DIP2A: variants seen among roughly 807,000 people sequenced by gnomAD.
The protein encoded by DIP2A is DIP2 acetate--CoA ligase A.
Under a neutral mutation model 177.4 loss-of-function variants are expected in DIP2A, and 85 were observed. The observed-to-expected ratio is 0.48, with a 90% CI of 0.40 to 0.57. The LOEUF is 0.57. Ranked by LOEUF, DIP2A falls within the 20% of genes least tolerant of loss-of-function variation. The probability of loss-of-function intolerance (pLI) is 0.00; values close to 1 mark genes in which losing one functional copy is unlikely to be tolerated. For missense variants in DIP2A, 1,791 were observed against 2,100.2 expected, an observed-to-expected ratio of 0.85 and a Z score of 2.88; for synonymous variants, 886 against 881.8, an observed-to-expected ratio of 1.00 and a Z score of -0.08.
rs1294401822 is a variant in DIP2A at position 46,534,705 on chromosome 21, T to G, written c.1642+18T>G. 6.3e-7 allele frequency: 1 copy of G among 1,595,700 alleles called. No homozygotes were observed. Among genetic ancestry groups the G allele is most frequent in the Non-Finnish European group, 8.5e-7 (1 of 1,174,400 alleles). On this transcript the variant is annotated intron_variant, in intron 13 of 37. Transcript: ENST00000417564. ...CTCAGAAGGTAAGGGCTCTCGGGGG[T>G]GGGGCGGTGGCCCCTCCAGCCTCAC...
chr21:46,485,842 G>A (rs776091612), intron 2 of DIP2A, among the ~76,000 whole-genome samples: 8 of 152,022 alleles, frequency 5.3e-5, no homozygotes, highest in Non-Finnish European at 1.2e-4. Flanking sequence ...GGAGGCTGAG[G>A]TGGGGGGATC....
intron 8 of DIP2A, among the ~76,000 whole-genome samples, chr21:46,516,958 TACAC>T (rs2058609918): frequency 1.3e-5 from 2 of 151,940 alleles, no homozygotes; most frequent in South Asian, 4.2e-4. Flanking sequence ...CTGCCTTGAA[TACAC>T]ACATTAATTA....
At chr21:46,519,937 C>T (rs1439812642) in intron 8 of DIP2A, among the ~76,000 whole-genome samples, 13 of 128,772 alleles carry the variant, frequency 1.0e-4, no homozygotes, top group Non-Finnish European at 1.2e-4. Flanking sequence ...TGCAGTGGTG[C>T]GATCTCGGCT....
chr21:46,511,832 G>A lies in DIP2A; in HGVS notation c.1102+218G>A, dbSNP rs189334610. On this transcript the variant is annotated intron_variant, in intron 8 of 37. Coordinates refer to ENST00000417564, the MANE Select transcript of DIP2A (RefSeq NM_015151.4). The stretch of plus-strand genomic sequence containing the variant: ...TGCTCTGGGTTCAAGTGTTTGGAGC[G>A]TTCTATGTATGCATTCTGAACAGTG... Among the ~76,000 whole-genome samples the A allele has an allele frequency of 4.6e-5, 7 of 152,200 alleles. No individual in the cohort carries two copies. The East Asian group carries it at 5.8e-4, about 13-fold the overall frequency.
At chr21:46,475,481 G>T (rs2055763434) in intron 1 of DIP2A, among the ~76,000 whole-genome samples, 1 of 152,192 alleles carries the variant, frequency 6.6e-6, no homozygotes, top group African/African-American at 2.4e-5. Flanking sequence ...AAATATGGCA[G>T]ACATTCATAT....
chr21:46,550,924 A>C (rs2060249760), intron 23 of DIP2A, among the ~76,000 whole-genome samples, 180 bp downstream of exon 23: 1 of 152,228 alleles, frequency 6.6e-6, no homozygotes, highest in Non-Finnish European at 1.5e-5. Flanking sequence ...TCCTGGAACC[A>C]GCCACGCATG....
Position 46,545,923 on chromosome 21 carries a change from C to G in DIP2A, c.2356C>G (p.Pro786Ala), listed in dbSNP as rs1210386979. 9.9e-6 allele frequency: 16 copies of G among 1,613,894 alleles called. No homozygotes were observed. Among genetic ancestry groups the G allele is most frequent in the African/African-American group, 4.0e-5 (3 of 74,942 alleles). Residue 786 changes from proline (P) to alanine (A), a missense_variant, in exon 20 of 38, where the codon CCA becomes GCA. Transcript: ENST00000417564. ...AGGAGGAGCACCCATCTTTGACAGGCCATTCACCAGGACAGGCCTGCTGGG... is the reference window on the plus strand; with the variant it reads ...AGGAGGAGCACCCATCTTTGACAGGGCATTCACCAGGACAGGCCTGCTGGG... ...TTGGAPIFDR[P>A]FTRTGLLGFI...
intron 15 of DIP2A, 139 bp from the exon 16 acceptor site, chr21:46,538,344 A>C (rs1569065156): frequency 7.9e-7 from 1 of 1,265,080 alleles, no homozygotes; most frequent in African/African-American, 1.5e-5. Context: ...GGCTGCAGAG[A>C]GCTTGTGACC....
chr21:46,545,061 C>G lies in DIP2A; in HGVS notation c.2177-76C>G. On this transcript the variant is annotated intron_variant, in intron 18 of 37. Coordinates refer to ENST00000417564, the MANE Select transcript of DIP2A (RefSeq NM_015151.4). ...CATCCTGTTTCCATAACCGCACATA[C>G]AGCAGCAAGGAGATCTTTGTGAGTG... The G allele has an allele frequency of 4.2e-6, 6 of 1,433,476 alleles. No homozygotes were observed. The South Asian group carries it at 7.2e-5, about 17-fold the overall frequency. 88.8% of individuals were successfully genotyped at this position (1,433,476 alleles called of 1,614,324 possible). A position where few individuals can be genotyped will look rare whatever the true frequency, so the allele number is the denominator to read the frequency against.
At position 46,460,515 on chromosome 21, in the gene DIP2A, C is replaced by T. The variant is rs575352904; in HGVS notation, c.91+1293C>T. 3.9e-5 allele frequency among the ~76,000 whole-genome samples: 6 copies of T among 152,242 alleles called. No homozygotes were observed. In the South Asian group the frequency reaches 1.2e-3, roughly 32 times the overall value. On this transcript the variant is annotated intron_variant, in intron 1 of 37. Coordinates refer to ENST00000417564, the MANE Select transcript of DIP2A (RefSeq NM_015151.4). ...TCAGATTGATAAGATTTTGCTGGGT[C>T]TGGGGTAGTTATTTCTCAAAACATC...
intron 21 of DIP2A, among the ~76,000 whole-genome samples, 168 bp from the exon 22 acceptor site, chr21:46,549,600 CGAG>C (rs942699847): frequency 3.5e-4 from 53 of 152,188 alleles, no homozygotes; most frequent in African/African-American, 1.2e-3. Flanking sequence ...CAACCATCCT[CGAG>C]GAGATTAGAA....
In DIP2A at chr21:46,498,625, C is replaced by A. The variant is rs202195576; in HGVS notation, c.447C>A (p.Pro149=). ...ASEDEGSLRR[P]GRLTSTPLQS... ...AAGATGAGGGCTCTTTACGGCGACC[C>A]GGGCGACTCACCTCCACTCCGCTCC... The change falls in exon 5 of 38, where the codon CCC becomes CCA. Residue 149 remains proline (P), a synonymous_variant. Transcript: ENST00000417564. This position sits in a 1 kb window ranked among gnomAD's most constrained non-coding sequence, Gnocchi z 4.3. 6.2e-7 allele frequency: 1 copy of A among 1,612,790 alleles called. No homozygotes were observed. The highest frequency in any genetic ancestry group is 1.3e-5 in the African/African-American group (1 of 74,872).
In DIP2A at chr21:46,557,581, G is replaced by C. The variant is rs368044633; in HGVS notation, c.3630-4G>C. On this transcript the variant is annotated splice_polypyrimidine_tract_variant and splice_region_variant and intron_variant, in intron 30 of 37. Transcript: ENST00000417564. This position sits in a 1 kb window ranked among gnomAD's most constrained non-coding sequence, Gnocchi z 6.0. ...CGGAGCCTCACGAGCCTTCCCTCTC[G>C]CAGTGTCTACTCGGGACACCAATCA... The C allele has an allele frequency of 1.6e-5, 26 of 1,604,838 alleles. No individual in the cohort carries two copies. The East Asian group carries it at 5.2e-4, about 32-fold the overall frequency.
At chr21:46,486,050 G>A (rs1231548159) in intron 2 of DIP2A, among the ~76,000 whole-genome samples, 4 of 133,846 alleles carry the variant, frequency 3.0e-5, no homozygotes, top group Admixed American at 8.6e-5. Flanking sequence ...CAGCCTGGGC[G>A]ACAGAGTGGG....
chr21:46,541,669 C>A, intron 17 of DIP2A, 87 bp from the exon 18 acceptor site: 1 of 1,512,358 alleles, frequency 6.6e-7, no homozygotes, highest in Non-Finnish European at 9.1e-7. Flanking sequence ...GGCTTTGGTG[C>A]AGAATCATGC....
intron 8 of DIP2A, among the ~76,000 whole-genome samples, chr21:46,518,774 T>G (rs1300492652): frequency 1.3e-5 from 2 of 152,210 alleles, no homozygotes; most frequent in Non-Finnish European, 2.9e-5. Context: ...TGAGAATTGC[T>G]TGAACCCAGG....
intron 6 of DIP2A, among the ~76,000 whole-genome samples, chr21:46,509,053 C>T (rs546888388): frequency 2.0e-5 from 3 of 152,226 alleles, no homozygotes; most frequent in East Asian, 1.9e-4. Flanking sequence ...AACCTGCTAG[C>T]TTAGAACAAG....
At chr21:46,504,683 C>A (rs1315684434) in intron 6 of DIP2A, among the ~76,000 whole-genome samples, 194 bp downstream of exon 6, 2 of 152,162 alleles carry the variant, frequency 1.3e-5, no homozygotes, top group African/African-American at 2.4e-5. Context: ...TTGGAAATAT[C>A]AATGGAATTG....
intron 1 of DIP2A, chr21:46,469,426 AAACTT>A (rs1432727598): frequency 6.6e-6 from 1 of 152,224 alleles, no homozygotes; most frequent in Non-Finnish European, 1.5e-5. Flanking sequence ...CAGAAAGAAA[AAACTT>A]AAGAGGAGAC....
Sources: allele counts gnomAD v4.1 joint callset (sites outside exome capture counted in the v4.1 genomes callset), GRCh38; gene constraint gnomAD v4.1.1; non-coding constraint Gnocchi (gnomAD v3.1); transcripts MANE v1.5; gene names NCBI Gene and HGNC (gene_info 2026-07-23, HGNC 2026-07-21).